The following DUSP22 variants were observed in gnomAD, a reference collection of about 807,000 sequenced individuals.
DUSP22 encodes dual specificity phosphatase 22.
A neutral mutation model predicts 24.5 loss-of-function variants in DUSP22; 24 were observed. The ratio of observed to expected loss-of-function variants is 0.98; its 90% CI spans 0.71 to 1.38. DUSP22 has a LOEUF of 1.38. Among genes scored for constraint, DUSP22 ranks in the 40% most tolerant of loss-of-function variants. The probability of loss-of-function intolerance (pLI) is 0.00; values close to 1 mark genes in which losing one functional copy is unlikely to be tolerated. For synonymous variants in DUSP22, 160 were observed against 106.4 expected (o/e 1.50, Z -3.10); for missense variants, 330 against 269.2 (o/e 1.23, Z -1.58).
At chr6:292,675 G>A (rs998873884) in intron 1 of DUSP22, 115 bp downstream of exon 1, 25 of 1,387,302 alleles carry the variant, frequency 1.8e-5, no homozygotes, top group East Asian at 2.9e-5. Context: ...CGGTGGGGAC[G>A]GGCGCGGAGG....
At chr6:318,072 T>A (rs1436209097) in intron 3 of DUSP22, among the ~76,000 whole-genome samples, 1 of 152,304 alleles carries the variant, frequency 6.6e-6, no homozygotes, top group Non-Finnish European at 1.5e-5. Context: ...TAAGCAGCGG[T>A]GCCTGTGGAT....
chr6:332,445 G>T (rs769180564), intron 3 of DUSP22, among the ~76,000 whole-genome samples: 1 of 152,304 alleles, frequency 6.6e-6, no homozygotes, highest in Non-Finnish European at 1.5e-5. Context: ...GTAGATTCTC[G>T]TGCCCACCTG....
At chr6:323,242 G>GTC (rs1375148445) in intron 3 of DUSP22, among the ~76,000 whole-genome samples, 1 of 94,344 alleles carries the variant, frequency 1.1e-5, no homozygotes, top group East Asian at 5.2e-4. Context: ...GTGTGTGCAT[G>GTC]TGTGTGTGTG....
chr6:315,983 G>A (rs200267476), intron 3 of DUSP22, among the ~76,000 whole-genome samples: 1 of 152,308 alleles, frequency 6.6e-6, no homozygotes. Flanking sequence ...GAAGCCCAGA[G>A]AATGAGATCC....
intron 4 of DUSP22, among the ~76,000 whole-genome samples, chr6:337,825 G>A (rs1438006484): frequency 6.6e-6 from 1 of 152,312 alleles, no homozygotes; most frequent in East Asian, 1.9e-4. Flanking sequence ...AAGAGGTCCT[G>A]TTAAGTTTAT....
intron 1 of DUSP22, among the ~76,000 whole-genome samples, chr6:298,728 T>C (rs1206377576): frequency 2.6e-5 from 4 of 152,308 alleles, no homozygotes; most frequent in Non-Finnish European, 5.9e-5. Context: ...CAGGAATCTT[T>C]GACCTGCGGA....
intron 1 of DUSP22, among the ~76,000 whole-genome samples, chr6:298,950 T>C (rs1393521515): frequency 1.3e-5 from 2 of 152,306 alleles, no homozygotes; most frequent in African/African-American, 4.8e-5. Flanking sequence ...AACAAGGCGA[T>C]ATGAGAGAGA....
chr6:320,728 G>A (rs1445217308), intron 3 of DUSP22, among the ~76,000 whole-genome samples: 1 of 152,292 alleles, frequency 6.6e-6, no homozygotes, highest in African/African-American at 2.4e-5. Context: ...GGTGAGGGGT[G>A]TGTCTTCTGT....
chr6:320,330 C>T (rs930890461), intron 3 of DUSP22: 7 of 153,052 alleles, frequency 4.6e-5, no homozygotes, highest in Admixed American at 1.3e-4. Flanking sequence ...AGCATTTCCT[C>T]CTGACGGCTG....
chr6:313,039 C>A (rs1170929898), intron 3 of DUSP22, among the ~76,000 whole-genome samples: 5 of 132,686 alleles, frequency 3.8e-5, no homozygotes, highest in African/African-American at 1.1e-4. Flanking sequence ...ACAACAACAA[C>A]AAAACATTTT....
chr6:348,336 CTT>C, intron 6 of DUSP22, 62 bp downstream of exon 6: 1 of 1,601,818 alleles, frequency 6.2e-7, no homozygotes, highest in Non-Finnish European at 8.5e-7. Context: ...TGCCCACAGT[CTT>C]TCCGTACACA....
Position 350,524 on chromosome 6 carries a change from G to C in DUSP22, c.*1573G>C, listed in dbSNP as rs1214233005. The C allele has an allele frequency of 4.2e-5, 56 of 1,325,496 alleles. No individual in the cohort carries two copies. The highest frequency in any genetic ancestry group is 5.4e-5 in the Non-Finnish European group (56 of 1,036,572). 82.1% of individuals were successfully genotyped at this position (1,325,496 alleles called of 1,614,324 possible). On this transcript the variant is annotated 3_prime_UTR_variant, in exon 7 of 7. Coordinates refer to ENST00000419235, the MANE Select transcript of DUSP22 (RefSeq NM_001286555.3). ...CATATAGAGGGTGTGTCAAAGGTGA[G>C]CTTTTTGGGGACCGGGAAAAACAAA...
intron 1 of DUSP22, among the ~76,000 whole-genome samples, chr6:303,007 G>A (rs1430755195): frequency 6.6e-6 from 1 of 152,298 alleles, no homozygotes; most frequent in Non-Finnish European, 1.5e-5. Context: ...ACCAGGCCTT[G>A]TTGAGAAAAG....
chr6:301,594 C>T (rs1413137033), intron 1 of DUSP22, among the ~76,000 whole-genome samples: 1 of 152,308 alleles, frequency 6.6e-6, no homozygotes, highest in Non-Finnish European at 1.5e-5. Context: ...GTGTTTACTA[C>T]TGTAACCCCT....
At chr6:312,639 GTA>G (rs777769290) in intron 3 of DUSP22, among the ~76,000 whole-genome samples, 4 of 152,294 alleles carry the variant, frequency 2.6e-5, no homozygotes, top group South Asian at 4.1e-4. Context: ...GTTGTGATGT[GTA>G]TGTGTTTTTC....
chr6:314,214 A>G (rs1485771682), intron 3 of DUSP22, among the ~76,000 whole-genome samples: 1 of 152,298 alleles, frequency 6.6e-6, no homozygotes, highest in Non-Finnish European at 1.5e-5. Flanking sequence ...AGGGTGATAA[A>G]TGGTGGGAGA....
At chr6:348,307 G>A in intron 6 of DUSP22, 33 bp downstream of exon 6, 2 of 1,613,214 alleles carry the variant, frequency 1.2e-6, no homozygotes, top group Non-Finnish European at 1.7e-6. Flanking sequence ...CAGAGATGCA[G>A]GCAGGTGCCC....
At position 348,371 on chromosome 6, in the gene DUSP22, T is replaced by C. The variant is rs1245324569; in HGVS notation, c.435+97T>C. On this transcript the variant is annotated intron_variant, in intron 6 of 6. Coordinates refer to ENST00000419235, the MANE Select transcript of DUSP22 (RefSeq NM_001286555.3). ...ACAGCCAGCATCATGGCGTTTGGAG[T>C]TGAAAGGCCCACAGAGGACATCGGC... 8.3e-6 allele frequency: 13 copies of C among 1,562,918 alleles called. No individual in the cohort carries two copies. The East Asian group carries it at 2.5e-4, about 30-fold the overall frequency.
At chr6:300,770 G>A (rs1326306686) in intron 1 of DUSP22, among the ~76,000 whole-genome samples, 1 of 152,282 alleles carries the variant, frequency 6.6e-6, no homozygotes, top group African/African-American at 2.4e-5. Context: ...CATTTTTCCA[G>A]GTTGAAAGCC....
Sources: allele counts gnomAD v4.1 joint callset (sites outside exome capture counted in the v4.1 genomes callset), GRCh38; gene constraint gnomAD v4.1.1; transcripts MANE v1.5; gene names NCBI Gene and HGNC (gene_info 2026-07-23, HGNC 2026-07-21).